SLCO3A1: variants seen among roughly 807,000 people sequenced by gnomAD.
SLCO3A1 encodes the protein PGE1 transporter.
Under a neutral mutation model 63.1 loss-of-function variants are expected in SLCO3A1, and 27 were observed. The ratio of observed to expected loss-of-function variants is 0.43; its 90% confidence interval spans 0.32 to 0.59. The LOEUF (loss-of-function observed/expected upper bound fraction) is 0.59. Among genes scored for constraint, SLCO3A1 ranks in the 20% least tolerant of loss-of-function variants. SLCO3A1 has a pLI of 0.09. For missense variants in SLCO3A1, 773 were observed against 945.8 expected (o/e 0.82, Z 2.40); for synonymous variants, 473 against 409.9 (o/e 1.15, Z -1.86).
rs183603956 is a variant in SLCO3A1, at chr15:91,979,798, G to A, written c.646+63340G>A. The stretch of plus-strand genomic sequence containing the variant: ...TGCTTAGCGTAATGCCTTGCACCCA[G>A]TATATACTAATTAAATGGTAGCATC... On this transcript the variant is annotated intron_variant, in intron 2 of 9. Transcript: ENST00000318445. Among the ~76,000 whole-genome samples, 600 of 151,444 alleles carry A rather than the reference G, an allele frequency of 4.0e-3. 2 individuals carry two copies. Among genetic ancestry groups the A allele is most frequent in the Middle Eastern group, 6.8e-3 (2 of 294 alleles).
At chr15:92,083,809 G>C (rs988165630) in intron 2 of SLCO3A1, among the ~76,000 whole-genome samples, 1 of 152,166 alleles carries the variant, frequency 6.6e-6, no homozygotes, top group Non-Finnish European at 1.5e-5. Context: ...CTGTATGCCA[G>C]GCGCTGTGGA....
intron 2 of SLCO3A1, among the ~76,000 whole-genome samples, chr15:91,923,652 A>G (rs144965891): frequency 9.8e-5 from 15 of 152,364 alleles, no homozygotes; most frequent in African/African-American, 3.6e-4. Context: ...TTTTAGTAAC[A>G]TTGAGAAAAA....
At chr15:92,069,522 G>A (rs563039227) in intron 2 of SLCO3A1, among the ~76,000 whole-genome samples, 1 of 152,336 alleles carries the variant, frequency 6.6e-6, no homozygotes, top group African/African-American at 2.4e-5. Flanking sequence ...CACTACGCAA[G>A]GGAGGTGTCA....
At chr15:92,141,760 T>C (rs2048135143) in intron 7 of SLCO3A1, among the ~76,000 whole-genome samples, 2 of 152,146 alleles carry the variant, frequency 1.3e-5, no homozygotes, top group African/African-American at 4.8e-5. Context: ...GAGTGGAAGA[T>C]CCCTCCTTAA....
intron 2 of SLCO3A1, among the ~76,000 whole-genome samples, chr15:91,959,244 A>T (rs1567038903): frequency 6.6e-6 from 1 of 152,068 alleles, no homozygotes; most frequent in Non-Finnish European, 1.5e-5. Flanking sequence ...AGGCATATAG[A>T]GAGATATAAT....
In SLCO3A1 at chr15:91,879,184, G is replaced by T. The variant is rs1239366666; in HGVS notation, c.180+25096G>T. The stretch of plus-strand genomic sequence containing the variant: ...CCATGGTTATATAGAATATCTGTTG[G>T]CATAAGGGTTCTACTAAAATATTTA... On this transcript the variant is annotated intron_variant, in intron 1 of 9. Transcript: ENST00000318445. Among the ~76,000 whole-genome samples, 5 of 152,116 alleles carry T rather than the reference G, an allele frequency of 3.3e-5. No homozygotes were observed. The East Asian group carries it at 9.6e-4, about 29-fold the overall frequency.
intron 9 of SLCO3A1, among the ~76,000 whole-genome samples, chr15:92,158,208 T>A (rs150906892): frequency 1.3e-4 from 20 of 152,300 alleles, no homozygotes; most frequent in African/African-American, 4.3e-4. Flanking sequence ...TTTGCAAAGA[T>A]CAAACCCCCT....
rs576454279 is a variant in SLCO3A1 at position 91,863,617 on chromosome 15, C to T, written c.180+9529C>T. Among the ~76,000 whole-genome samples, 48 of 152,270 alleles carry T rather than the reference C, an allele frequency of 3.2e-4. No individual in the cohort carries two copies. In the South Asian group the frequency reaches 5.4e-3, roughly 17 times the overall value. ...TGCGTGGGGTGCACAGCACACCACA[C>T]GGTCAAGTTCAGCTTTCCAACCTCC... On this transcript the variant is annotated intron_variant, in intron 1 of 9. Transcript: ENST00000318445. This position sits in a 1 kb window ranked among gnomAD's most constrained non-coding sequence, Gnocchi z 4.3.
At chr15:91,947,396 C>T (rs924413330) in intron 2 of SLCO3A1, among the ~76,000 whole-genome samples, 1 of 152,192 alleles carries the variant, frequency 6.6e-6, no homozygotes, top group Non-Finnish European at 1.5e-5. Context: ...GTCTGGTTGC[C>T]GCTGGCAGAG....
intron 2 of SLCO3A1, among the ~76,000 whole-genome samples, chr15:91,931,404 G>A (rs1393756623): frequency 6.6e-6 from 1 of 152,038 alleles, no homozygotes; most frequent in Non-Finnish European, 1.5e-5. Flanking sequence ...GGCATCCTCT[G>A]CTGTCAGGTA....
Position 92,127,160 on chromosome 15 carries a change from G to A in SLCO3A1, c.1373+901G>A, listed in dbSNP as rs1476090452. 4.6e-5 allele frequency among the ~76,000 whole-genome samples: 7 copies of A among 152,136 alleles called. No homozygotes were observed. In the East Asian group the frequency reaches 5.8e-4, roughly 13 times the overall value. On this transcript the variant is annotated intron_variant, in intron 6 of 9. Transcript: ENST00000318445. ...CCCTCCTTCCCCTTTACACCATCAC[G>A]GGGTTGCCCCTTCCAATCCCCGCCC...
intron 3 of SLCO3A1, chr15:92,098,214 T>A (rs879903652): frequency 1.3e-5 from 2 of 152,464 alleles, no homozygotes; most frequent in African/African-American, 2.4e-5. Context: ...GGAAGCCTGG[T>A]TGAAACTTGT....
intron 5 of SLCO3A1, 40 bp downstream of exon 5, chr15:92,120,669 G>C: frequency 6.3e-7 from 1 of 1,586,280 alleles, no homozygotes; most frequent in Non-Finnish European, 8.6e-7. Context: ...GTCGGGGGAG[G>C]GTGTCCTGTG....
intron 1 of SLCO3A1, among the ~76,000 whole-genome samples, chr15:91,866,907 G>A (rs575738269): frequency 3.3e-5 from 5 of 152,236 alleles, no homozygotes; most frequent in South Asian, 2.1e-4. Flanking sequence ...TAGACTGGTC[G>A]GAGATATAAA....
At chr15:92,130,202 C>T (rs187623005) in intron 7 of SLCO3A1, among the ~76,000 whole-genome samples, 29 of 152,348 alleles carry the variant, frequency 1.9e-4, no homozygotes, top group Admixed American at 6.5e-4. Flanking sequence ...CTTGCATGTA[C>T]AGGAGTCTTA....
At chr15:92,047,606 TATATA>T (rs2046903540) in intron 2 of SLCO3A1, among the ~76,000 whole-genome samples, 1 of 55,964 alleles carries the variant, frequency 1.8e-5, no homozygotes, top group Non-Finnish European at 3.7e-5. Flanking sequence ...ATATAATATA[TATATA>T]ATATATAAAT....
chr15:92,059,197 G>A (rs1441843261), intron 2 of SLCO3A1, among the ~76,000 whole-genome samples: 2 of 152,146 alleles, frequency 1.3e-5, no homozygotes, highest in African/African-American at 2.4e-5. Context: ...TCTTCCCTAG[G>A]GGGGTGTTTC....
intron 8 of SLCO3A1, among the ~76,000 whole-genome samples, chr15:92,150,147 G>A (rs2048285501): frequency 6.6e-6 from 1 of 152,172 alleles, no homozygotes; most frequent in Non-Finnish European, 1.5e-5. Flanking sequence ...AGAACTAGGA[G>A]TCCAATGTTC....
chr15:92,100,591 TA>T (rs1388096589), intron 3 of SLCO3A1, among the ~76,000 whole-genome samples: 2 of 152,230 alleles, frequency 1.3e-5, no homozygotes, highest in Non-Finnish European at 2.9e-5. Flanking sequence ...AGACACTAAC[TA>T]GAACCAAATA....
Sources: gnomAD v4.1 joint callset for allele counts (sites outside exome capture counted in the v4.1 genomes callset) on GRCh38, gnomAD v4.1.1 for gene constraint, Gnocchi (gnomAD v3.1) non-coding constraint, MANE v1.5 for transcripts, NCBI Gene and HGNC (gene_info 2026-07-23, HGNC 2026-07-21) for gene names.